Variants in ELOVL4 observed in about 807,000 individuals in gnomAD.
The protein encoded by ELOVL4 is ELOVL fatty acid elongase 4.
ELOVL4 carries 18 observed loss-of-function variants against 42.1 expected under a neutral mutation model. That is an observed-to-expected ratio of 0.43 (90% CI 0.30 to 0.63). ELOVL4 has a LOEUF of 0.63. ELOVL4 is among the 30% of genes least tolerant of loss of function. ELOVL4 has a pLI of 0.15. For synonymous variants in ELOVL4, 117 were observed against 127.0 expected (o/e 0.92, Z 0.53); for missense variants, 299 against 376.2 (o/e 0.79, Z 1.70).
At chr6:79,923,850 G>C (rs1774298867) in intron 3 of ELOVL4, among the ~76,000 whole-genome samples, 1 of 152,098 alleles carries the variant, frequency 6.6e-6, no homozygotes, top group Non-Finnish European at 1.5e-5. Context: ...GGGAAATGAA[G>C]ATACGTACAT....
At chr6:79,923,497 C>T (rs1016103476) in intron 3 of ELOVL4, among the ~76,000 whole-genome samples, 7 of 152,144 alleles carry the variant, frequency 4.6e-5, no homozygotes, top group African/African-American at 1.7e-4. Flanking sequence ...AACACTTATC[C>T]CTGTTCCCTT....
rs1229994250 is a variant in ELOVL4, at chr6:79,915,670, T to C, written c.*938A>G. 6.6e-6 allele frequency: 1 copy of C among 152,564 alleles called. No individual in the cohort carries two copies. The highest frequency in any genetic ancestry group is 6.6e-5 in the Admixed American group (1 of 15,264). 9.5% of individuals were successfully genotyped at this position (152,564 alleles called of 1,614,324 possible). A position where few individuals can be genotyped will look rare whatever the true frequency, so the allele number is the denominator to read the frequency against. On this transcript the variant is annotated 3_prime_UTR_variant, in exon 6 of 6. Transcript: ENST00000369816. ...TTAAAATTTATTTAATTTTAAATGT[T>C]CTTTCCAACGGAAGAGGTAGGTATA...
intron 1 of ELOVL4, among the ~76,000 whole-genome samples, chr6:79,939,358 A>C (rs1405323680): frequency 6.6e-6 from 1 of 152,114 alleles, no homozygotes; most frequent in Non-Finnish European, 1.5e-5. Context: ...CAGTATCATT[A>C]AGCATATCCA....
intron 2 of ELOVL4, 139 bp from the exon 3 acceptor site, chr6:79,925,171 C>T: frequency 1.6e-6 from 1 of 629,580 alleles, no homozygotes; most frequent in Non-Finnish European, 2.8e-6. Flanking sequence ...TTAAAAATTT[C>T]ATGCATTCCG....
At chr6:79,944,659 T>C (rs1774706047) in intron 1 of ELOVL4, among the ~76,000 whole-genome samples, 1 of 152,188 alleles carries the variant, frequency 6.6e-6, no homozygotes, top group South Asian at 2.1e-4. Context: ...CCATTTGATA[T>C]AATAGCACAA....
chr6:79,941,307 C>T (rs562564669), intron 1 of ELOVL4, among the ~76,000 whole-genome samples: 1 of 152,220 alleles, frequency 6.6e-6, no homozygotes, highest in African/African-American at 2.4e-5. Flanking sequence ...AGCAGCAGAC[C>T]AGGACTAAAA....
At chr6:79,919,635 A>G in intron 4 of ELOVL4, 88 bp from the exon 5 acceptor site, 2 of 1,132,436 alleles carry the variant, frequency 1.8e-6, no homozygotes, top group Non-Finnish European at 2.6e-6. Context: ...AATACACATT[A>G]TTTTTTAATA....
At chr6:79,926,116 C>A in intron 2 of ELOVL4, 78 bp downstream of exon 2, 1 of 1,284,304 alleles carries the variant, frequency 7.8e-7, no homozygotes, top group Non-Finnish European at 1.1e-6. Context: ...TAAAATATTA[C>A]AATGATGGTT....
chr6:79,916,497 T>G lies in ELOVL4; in HGVS notation c.*111A>C. The G allele has an allele frequency of 2.4e-6, 3 of 1,243,492 alleles. No individual in the cohort carries two copies. Among genetic ancestry groups the G allele is most frequent in the Non-Finnish European group, 3.5e-6 (3 of 853,804 alleles). The allele number at this position is 1,243,492 out of a possible 1,614,324, so 77.0% of individuals were successfully genotyped here. On this transcript the variant is annotated 3_prime_UTR_variant, in exon 6 of 6. Coordinates refer to ENST00000369816, the MANE Select transcript of ELOVL4 (RefSeq NM_022726.4). Reference sequence around the variant, plus strand: ...AAGAGTTACTAGGACATAGAGCACATTTGTCTTTTCTCCCCACCCCCAAGC... The same window carrying G: ...AAGAGTTACTAGGACATAGAGCACAGTTGTCTTTTCTCCCCACCCCCAAGC...
At chr6:79,929,448 C>G (rs1402966965) in intron 1 of ELOVL4, among the ~76,000 whole-genome samples, 3 of 152,118 alleles carry the variant, frequency 2.0e-5, no homozygotes, top group Non-Finnish European at 4.4e-5. Context: ...GTCATGCTGC[C>G]TAGGCTGGTC....
At chr6:79,945,498 C>T (rs1455226196) in intron 1 of ELOVL4, among the ~76,000 whole-genome samples, 1 of 152,054 alleles carries the variant, frequency 6.6e-6, no homozygotes, top group East Asian at 1.9e-4. Context: ...TCAATTTTTC[C>T]TTCTGAGACT....
intron 1 of ELOVL4, among the ~76,000 whole-genome samples, chr6:79,928,727 GTTTTTTTTT>G (rs34673896): frequency 1.3e-5 from 1 of 75,582 alleles, no homozygotes; most frequent in South Asian, 6.6e-4. Context: ...TGGTGACTGG[GTTTTTTTTT>G]TTTTTTTTTT....
intron 1 of ELOVL4, among the ~76,000 whole-genome samples, chr6:79,946,675 T>C (rs530182674): frequency 4.6e-4 from 70 of 152,326 alleles, no homozygotes; most frequent in African/African-American, 1.4e-3. Flanking sequence ...AGGAGCTAGA[T>C]AGAAGAAAAG....
intron 1 of ELOVL4, 91 bp downstream of exon 1, chr6:79,947,089 G>T (rs1483420045): frequency 2.5e-5 from 26 of 1,050,088 alleles, no homozygotes; most frequent in Non-Finnish European, 3.4e-5. Flanking sequence ...GGGCGCGGGG[G>T]CCTGTGGGGC....
intron 5 of ELOVL4, among the ~76,000 whole-genome samples, chr6:79,918,457 A>G (rs936640268): frequency 6.6e-6 from 1 of 152,138 alleles, no homozygotes; most frequent in Non-Finnish European, 1.5e-5. Context: ...AATGAATTAC[A>G]CAAACTGTGT....
In ELOVL4 at chr6:79,917,817, G is replaced by A. The variant is rs564872872; in HGVS notation, c.670-934C>T. Among the ~76,000 whole-genome samples, 9 of 151,676 alleles carry A rather than the reference G, an allele frequency of 5.9e-5. No individual in the cohort carries two copies. The South Asian group carries it at 6.2e-4, about 11-fold the overall frequency. On this transcript the variant is annotated intron_variant, in intron 5 of 5. Transcript: ENST00000369816. The stretch of plus-strand genomic sequence containing the variant: ...ACTTGGGCAACAAGAGCAAAACTCC[G>A]TCCCAAAAAAAGAAAAAAATAATAT...
intron 3 of ELOVL4, among the ~76,000 whole-genome samples, chr6:79,922,784 T>C (rs1388641599): frequency 2.0e-5 from 3 of 152,196 alleles, no homozygotes; most frequent in African/African-American, 7.2e-5. Flanking sequence ...TTGTTTGTTT[T>C]GGCTTTTGCA....
chr6:79,923,000 C>CT (rs1774283923), intron 3 of ELOVL4, among the ~76,000 whole-genome samples: 2 of 152,098 alleles, frequency 1.3e-5, no homozygotes, highest in Admixed American at 1.3e-4. Flanking sequence ...TATATTAGTT[C>CT]TTTAAAATAA....
intron 4 of ELOVL4, among the ~76,000 whole-genome samples, chr6:79,920,229 CATA>C (rs1774231237): frequency 1.3e-5 from 2 of 152,236 alleles, no homozygotes; most frequent in Middle Eastern, 3.4e-3. Flanking sequence ...TGCCAATTAT[CATA>C]ATATGACAAT....
Sources: allele counts gnomAD v4.1 joint callset (sites outside exome capture counted in the v4.1 genomes callset), GRCh38; gene constraint gnomAD v4.1.1; transcripts MANE v1.5; gene names NCBI Gene and HGNC (gene_info 2026-07-23, HGNC 2026-07-21).